NTNG1: variants seen among roughly 807,000 people sequenced by gnomAD.
NTNG1 encodes the protein netrin G1.
NTNG1 carries 16 observed loss-of-function variants against 54.0 expected under a neutral mutation model. The ratio of observed to expected loss-of-function variants is 0.30; its 90% confidence interval spans 0.20 to 0.45. NTNG1 has a LOEUF of 0.45. NTNG1 is among the 20% of genes least tolerant of loss of function. The pLI is 1.00. For missense variants in NTNG1, 530 were observed against 678.7 expected (o/e 0.78, Z 2.43); for synonymous variants, 255 against 263.1 (o/e 0.97, Z 0.30).
intron 3 of NTNG1, among the ~76,000 whole-genome samples, chr1:107,351,270 G>A (rs1669581416): frequency 6.6e-6 from 1 of 152,134 alleles, no homozygotes; most frequent in Non-Finnish European, 1.5e-5. Context: ...TTTATATATG[G>A]CTGTTTTAGT....
chr1:107,334,768 A>G (rs1395879496), intron 3 of NTNG1, among the ~76,000 whole-genome samples: 1 of 152,044 alleles, frequency 6.6e-6, no homozygotes, highest in Non-Finnish European at 1.5e-5. Context: ...TCCCGTGCCT[A>G]CAACTAGGCC....
At chr1:107,161,376 A>C (rs760311040) in intron 2 of NTNG1, among the ~76,000 whole-genome samples, 9 of 152,160 alleles carry the variant, frequency 5.9e-5, no homozygotes, top group Non-Finnish European at 1.3e-4. Flanking sequence ...ACCACAACTT[A>C]TAGGCCGGGT....
At chr1:107,244,392 T>C (rs994944907) in intron 2 of NTNG1, among the ~76,000 whole-genome samples, 2 of 152,312 alleles carry the variant, frequency 1.3e-5, no homozygotes, top group Admixed American at 1.3e-4. Context: ...TCATTTTAAC[T>C]TGTTCTGAAA....
intron 2 of NTNG1, among the ~76,000 whole-genome samples, chr1:107,282,282 T>G (rs564557722): frequency 6.6e-6 from 1 of 152,268 alleles, no homozygotes; most frequent in African/African-American, 2.4e-5. Context: ...TGCCAACCCT[T>G]TCCTGTCTGT....
chr1:107,250,040 G>T (rs1427491892), intron 2 of NTNG1, among the ~76,000 whole-genome samples: 1 of 152,130 alleles, frequency 6.6e-6, no homozygotes, highest in Non-Finnish European at 1.5e-5. Flanking sequence ...TTATATAAAA[G>T]GATCAGAAAC....
intron 7 of NTNG1, 28 bp from the exon 8 acceptor site, chr1:107,480,583 C>CCCCCCCCCCCT: frequency 2.7e-6 from 2 of 744,750 alleles, no homozygotes; most frequent in South Asian, 1.9e-5. Flanking sequence ...CGCGCCCACC[C>CCCCCCCCCCCT]ACCCCTACCT....
chr1:107,148,795 C>A lies in NTNG1; in HGVS notation c.202C>A (p.Pro68Thr), dbSNP rs777160639. 5.0e-5 allele frequency: 80 copies of A among 1,613,656 alleles called. 1 individual carries two copies. The Middle Eastern group carries it at 6.6e-4, about 13-fold the overall frequency. The part of the protein sequence containing the change: ...TKYLKVKLDP[P>T]DITCGDPPET... ...ATATCTGAAAGTGAAACTCGATCCTCCGGATATTACCTGTGGAGACCCTCC... is the reference window on the plus strand; with the variant it reads ...ATATCTGAAAGTGAAACTCGATCCTACGGATATTACCTGTGGAGACCCTCC... The change falls in exon 2 of 8, where the codon CCG (proline) becomes ACG (threonine). Residue 68 changes from proline to threonine, a missense_variant. By Grantham distance (38) the Pro-to-Thr change is conservative. Coordinates refer to ENST00000370068, the MANE Select transcript of NTNG1 (RefSeq NM_001113226.3).
At chr1:107,423,934 A>ATCAT (rs1443518311) in intron 5 of NTNG1, among the ~76,000 whole-genome samples, 2 of 152,118 alleles carry the variant, frequency 1.3e-5, no homozygotes, top group Non-Finnish European at 2.9e-5. Context: ...TCTCAGGATC[A>ATCAT]TCATTCATTC....
intron 2 of NTNG1, among the ~76,000 whole-genome samples, chr1:107,246,475 A>G (rs1570948349): frequency 6.6e-6 from 1 of 151,850 alleles, no homozygotes; most frequent in Non-Finnish European, 1.5e-5. Flanking sequence ...AAATGATACT[A>G]TTATAAATAT....
chr1:107,196,212 G>A (rs1169965928), intron 2 of NTNG1, among the ~76,000 whole-genome samples: 2 of 151,918 alleles, frequency 1.3e-5, no homozygotes, highest in East Asian at 1.9e-4. Flanking sequence ...TTTGGTGGGA[G>A]TGGGGGCAGA....
At position 107,355,824 on chromosome 1, in the gene NTNG1, C is replaced by G. The variant is rs574985869; in HGVS notation, c.887+30902C>G. On this transcript the variant is annotated intron_variant, in intron 3 of 7. Transcript: ENST00000370068. ...AAGTCCAACCACCGCCACCCTCAAA[C>G]TCTAGGCCACAGAGATTCGGTAATC... 5.3e-4 allele frequency among the ~76,000 whole-genome samples: 81 copies of G among 152,294 alleles called. 1 individual carries two copies. The highest frequency in any genetic ancestry group is 5.0e-3 in the Admixed American group (76 of 15,302).
intron 6 of NTNG1, among the ~76,000 whole-genome samples, chr1:107,433,025 T>G (rs956360012): frequency 6.6e-6 from 1 of 152,186 alleles, no homozygotes; most frequent in Non-Finnish European, 1.5e-5. Flanking sequence ...TCAGATAAAC[T>G]ACAGAAGAAA....
intron 7 of NTNG1, among the ~76,000 whole-genome samples, chr1:107,442,310 A>G (rs912469617): frequency 5.3e-5 from 8 of 152,136 alleles, no homozygotes; most frequent in African/African-American, 1.9e-4. Context: ...GGAAAAAGGT[A>G]GGATGTTAGA....
chr1:107,265,979 G>GA (rs1026773517), intron 2 of NTNG1, among the ~76,000 whole-genome samples: 1 of 152,068 alleles, frequency 6.6e-6, no homozygotes, highest in African/African-American at 2.4e-5. Context: ...CCTTGTCTCA[G>GA]AAAAAAAGTC....
At chr1:107,375,280 C>T (rs552228972) in intron 3 of NTNG1, among the ~76,000 whole-genome samples, 1 of 152,338 alleles carries the variant, frequency 6.6e-6, no homozygotes, top group Non-Finnish European at 1.5e-5. Flanking sequence ...CTGCGTTCCT[C>T]CTTTCTACAC....
intron 3 of NTNG1, among the ~76,000 whole-genome samples, chr1:107,326,043 C>T (rs1667934551): frequency 6.6e-6 from 1 of 152,050 alleles, no homozygotes; most frequent in African/African-American, 2.4e-5. Context: ...AGAGATTTGC[C>T]TTACCTATGT....
At chr1:107,234,336 T>C (rs564684588) in intron 2 of NTNG1, among the ~76,000 whole-genome samples, 12 of 152,286 alleles carry the variant, frequency 7.9e-5, no homozygotes, top group Admixed American at 5.9e-4. Context: ...TTGGCCAAGC[T>C]GGTCTTTAAC....
chr1:107,313,221 C>A (rs1048907306), intron 2 of NTNG1, among the ~76,000 whole-genome samples: 7 of 152,132 alleles, frequency 4.6e-5, no homozygotes, highest in African/African-American at 1.4e-4. Context: ...TTATAGAATA[C>A]CCCTCAATTG....
rs75543969 is a variant in NTNG1, at chr1:107,262,557, A to G, written c.247-61725A>G. On this transcript the variant is annotated intron_variant, in intron 2 of 7. Coordinates refer to ENST00000370068, the MANE Select transcript of NTNG1 (RefSeq NM_001113226.3). ...TTTAGGGCAAGGGATTGCCATGATC[A>G]AAGTAGAAGAATCAGTCTGGCTGCA... Among the ~76,000 whole-genome samples, 638 of 152,328 alleles carry G rather than the reference A, an allele frequency of 4.2e-3. 2 individuals carry two copies. Among genetic ancestry groups the G allele is most frequent in the African/African-American group, 0.014 (600 of 41,580 alleles).
Sources: allele counts gnomAD v4.1 joint callset (sites outside exome capture counted in the v4.1 genomes callset), GRCh38; gene constraint gnomAD v4.1.1; transcripts MANE v1.5; gene names NCBI Gene and HGNC (gene_info 2026-07-23, HGNC 2026-07-21).